The following PDE3A variants were observed in gnomAD, a reference collection of about 807,000 sequenced individuals.
The protein encoded by PDE3A is cGMP-inhibited 3',5'-cyclic phosphodiesterase 3A.
In PDE3A, 43 loss-of-function variants were observed where a neutral mutation model predicts 98.3. The ratio of observed to expected loss-of-function variants is 0.44; its 90% CI spans 0.34 to 0.56. The LOEUF is 0.56. PDE3A is among the 20% of genes least tolerant of loss of function. The pLI, the probability that PDE3A is intolerant of heterozygous loss-of-function variation, is 0.01. For synonymous variants in PDE3A, 663 were observed against 567.9 expected (o/e 1.17, Z -2.38); for missense variants, 1,427 against 1,440.7 (o/e 0.99, Z 0.15).
chr12:20,563,422 A>G (rs1592060687), intron 2 of PDE3A, among the ~76,000 whole-genome samples: 1 of 100,634 alleles, frequency 9.9e-6, no homozygotes, highest in Admixed American at 1.2e-4. Context: ...GATTAATGTG[A>G]GCAGATTGGG....
At chr12:20,525,575 A>C (rs2121166928) in intron 1 of PDE3A, among the ~76,000 whole-genome samples, 1 of 152,146 alleles carries the variant, frequency 6.6e-6, no homozygotes, top group African/African-American at 2.4e-5. Context: ...TTGAACAAAG[A>C]CCCTTTAGTG....
chr12:20,680,039 C>T lies in PDE3A; in HGVS notation c.3194C>T (p.Thr1065Ile). 6.3e-7 allele frequency: 1 copy of T among 1,596,006 alleles called. No individual in the cohort carries two copies. The highest frequency in any genetic ancestry group is 1.3e-5 in the African/African-American group (1 of 74,290). Reference sequence around the variant, plus strand: ...ATTTTATTTATTTTAGAAAAGAAGACTTTCAAAAGGAGAAAAATCTACTGC... The same window carrying T: ...ATTTTATTTATTTTAGAAAAGAAGATTTTCAAAAGGAGAAAAATCTACTGC... The part of the protein sequence containing the change: ...CENNESPKKK[T>I]FKRRKIYCQI... The change falls in exon 16 of 16, where the codon ACT (threonine) becomes ATT (isoleucine). Residue 1065 changes from threonine (T) to isoleucine (I), a missense_variant. By Grantham distance (89) the Thr-to-Ile change is moderately conservative. Coordinates refer to ENST00000359062, the MANE Select transcript of PDE3A (RefSeq NM_000921.5).
chr12:20,385,601 A>G (rs1943741671), intron 1 of PDE3A, among the ~76,000 whole-genome samples: 2 of 151,844 alleles, frequency 1.3e-5, no homozygotes, highest in Admixed American at 6.6e-5. Flanking sequence ...ATGGAATACT[A>G]TGCAGCCATA....
At chr12:20,374,836 G>T (rs1049929386) in intron 1 of PDE3A, among the ~76,000 whole-genome samples, 6 of 152,016 alleles carry the variant, frequency 3.9e-5, no homozygotes, top group Non-Finnish European at 5.9e-5. Flanking sequence ...TCTATCAAAA[G>T]AAAGAGTTTA....
intron 11 of PDE3A, 72 bp downstream of exon 11, chr12:20,646,675 C>A: frequency 7.0e-7 from 1 of 1,422,630 alleles, no homozygotes; most frequent in Non-Finnish European, 9.9e-7. Context: ...TGTTTTTTTT[C>A]AAAAAGAAAG....
At chr12:20,536,837 G>C (rs112128097) in intron 1 of PDE3A, among the ~76,000 whole-genome samples, 1 of 152,044 alleles carries the variant, frequency 6.6e-6, no homozygotes, top group South Asian at 2.1e-4. Context: ...TATGAATAAT[G>C]CTGCTATTAA....
At chr12:20,527,708 T>C (rs56099634) in intron 1 of PDE3A, among the ~76,000 whole-genome samples, 5,487 of 152,272 alleles carry the variant, frequency 0.036, 141 homozygotes, top group Middle Eastern at 0.065. Context: ...CAAGGATGTT[T>C]TGGAAGAAAG....
chr12:20,591,750 A>C (rs895509518), intron 2 of PDE3A, among the ~76,000 whole-genome samples: 1 of 152,226 alleles, frequency 6.6e-6, no homozygotes, highest in Non-Finnish European at 1.5e-5. Context: ...TAGGCATTTT[A>C]ACTTATCTCA....
intron 5 of PDE3A, among the ~76,000 whole-genome samples, chr12:20,621,844 A>C (rs988171780): frequency 6.6e-6 from 1 of 152,136 alleles, no homozygotes; most frequent in Non-Finnish European, 1.5e-5. Context: ...AATTAAGAAT[A>C]ATAAAGCTTT....
intron 5 of PDE3A, among the ~76,000 whole-genome samples, chr12:20,624,470 T>G (rs1225206613): frequency 6.6e-6 from 1 of 152,010 alleles, no homozygotes. Context: ...GAGCAAAATG[T>G]AAAAGGGAAG....
intron 1 of PDE3A, among the ~76,000 whole-genome samples, chr12:20,378,163 G>A (rs1402669651): frequency 6.6e-6 from 1 of 151,606 alleles, no homozygotes; most frequent in Non-Finnish European, 1.5e-5. Flanking sequence ...TGATAGTGTG[G>A]AATTTTTAAA....
At chr12:20,556,323 T>C (rs1197491406) in intron 1 of PDE3A, among the ~76,000 whole-genome samples, 1 of 152,186 alleles carries the variant, frequency 6.6e-6, no homozygotes, top group Non-Finnish European at 1.5e-5. Flanking sequence ...AGTAGTCATT[T>C]ACCCAGAATA....
intron 1 of PDE3A, among the ~76,000 whole-genome samples, chr12:20,477,930 A>G (rs1462876141): frequency 6.6e-6 from 1 of 152,180 alleles, no homozygotes; most frequent in Admixed American, 6.5e-5. Context: ...AGAGTAAGCC[A>G]TTCCTTCCAG....
At chr12:20,660,185 C>A (rs927401597) in intron 15 of PDE3A, among the ~76,000 whole-genome samples, 1 of 152,160 alleles carries the variant, frequency 6.6e-6, no homozygotes, top group East Asian at 1.9e-4. Flanking sequence ...GCACTTCTCT[C>A]TTTGTATGAC....
intron 1 of PDE3A, among the ~76,000 whole-genome samples, chr12:20,490,823 C>G (rs1945813435): frequency 6.6e-6 from 1 of 152,092 alleles, no homozygotes; most frequent in Non-Finnish European, 1.5e-5. Context: ...ATTTAATGAT[C>G]CTTTAATCCA....
chr12:20,554,569 T>C (rs1165127199), intron 1 of PDE3A, among the ~76,000 whole-genome samples: 5 of 151,350 alleles, frequency 3.3e-5, no homozygotes, highest in Non-Finnish European at 7.4e-5. Context: ...CAAAAGTCTA[T>C]TTTTCTTTTT....
Position 20,661,369 on chromosome 12 carries a change from G to T in PDE3A, c.3184+7164G>T, listed in dbSNP as rs752134523. Among the ~76,000 whole-genome samples the T allele has an allele frequency of 3.3e-4, 50 of 152,328 alleles. 1 individual carries two copies. Among genetic ancestry groups the T allele is most frequent in the Non-Finnish European group, 5.4e-4 (37 of 68,038 alleles). ...AATAGAAAAGAAAATCCCATTTTGT[G>T]AGGATAAATCCAAGCGAGCTGCAGA... On this transcript the variant is annotated intron_variant, in intron 15 of 15. Coordinates refer to ENST00000359062, the MANE Select transcript of PDE3A (RefSeq NM_000921.5).
chr12:20,602,184 CAT>C (rs1482600325), intron 2 of PDE3A, among the ~76,000 whole-genome samples: 5 of 152,274 alleles, frequency 3.3e-5, no homozygotes, highest in Admixed American at 6.5e-5. Context: ...TGAGCAGTCA[CAT>C]GAGTAGCTCA....
At chr12:20,471,868 C>G (rs1030148726) in intron 1 of PDE3A, among the ~76,000 whole-genome samples, 2 of 152,100 alleles carry the variant, frequency 1.3e-5, no homozygotes, top group Non-Finnish European at 2.9e-5. Context: ...TCCCTCCCAG[C>G]TACTGTGTTG....
Sources: gnomAD v4.1 joint callset for allele counts (sites outside exome capture counted in the v4.1 genomes callset) on GRCh38, gnomAD v4.1.1 for gene constraint, MANE v1.5 for transcripts, NCBI Gene and HGNC (gene_info 2026-07-23, HGNC 2026-07-21) for gene names.